APC: variants seen among roughly 807,000 people sequenced by gnomAD.
The protein encoded by APC is adenomatous polyposis coli protein.
Under a neutral mutation model 247.0 loss-of-function variants are expected in APC, and 72 were observed. The observed-to-expected ratio is 0.29, with a 90% CI of 0.24 to 0.35. APC has a LOEUF of 0.35. APC is among the 10% of genes least tolerant of loss of function. The pLI, the probability that APC is intolerant of heterozygous loss-of-function variation, is 1.00. For synonymous variants in APC, 1,254 were observed against 1,162.5 expected (o/e 1.08, Z -1.60); for missense variants, 3,400 against 3,360.7 (o/e 1.01, Z -0.29).
chr5:112,738,081 C>G (rs1752537799), intron 1 of APC, among the ~76,000 whole-genome samples, 156 bp downstream of exon 1: 1 of 152,132 alleles, frequency 6.6e-6, no homozygotes, highest in Non-Finnish European at 1.5e-5. Flanking sequence ...CCGCCCCCCA[C>G]TGCAGCACTG....
chr5:112,825,661 G>A (rs904605226), intron 11 of APC, among the ~76,000 whole-genome samples: 4 of 152,028 alleles, frequency 2.6e-5, no homozygotes, highest in Admixed American at 6.6e-5. Flanking sequence ...CAACCAGCTC[G>A]GGCAACATAG....
At chr5:112,783,630 C>CA (rs563801773) in intron 6 of APC, 1,849 of 80,580 alleles carry the variant, frequency 0.023, 23 homozygotes, top group East Asian at 0.12. Flanking sequence ...CTGCCTCTAC[C>CA]AAAAAAAAAA....
In APC at chr5:112,842,651, A is replaced by G. The variant is rs2149979100; in HGVS notation, c.7057A>G (p.Thr2353Ala). 6.2e-7 allele frequency: 1 copy of G among 1,613,838 alleles called. No homozygotes were observed. ...ACTTCCAAGGACATCATCCCCTAGT[A>G]CTGCTTCAACTAAGTCCTCAGGTTC... ...SQLPRTSSPS[T>A]ASTKSSGSGK... The change falls in exon 16 of 16, where the codon ACT becomes GCT. Residue 2353 changes from threonine (T) to alanine (A), a missense_variant. By Grantham distance (58) the Thr-to-Ala change is moderately conservative. Around this residue, in one of 9 missense-constraint regions of APC, gnomAD observed 1,788 missense variants for 1,649.5 expected, o/e 1.08. Transcript: ENST00000257430.
chr5:112,739,267 C>T (rs925771000), intron 1 of APC, among the ~76,000 whole-genome samples: 2 of 151,974 alleles, frequency 1.3e-5, no homozygotes, highest in African/African-American at 4.8e-5. Context: ...ATGTAAAAGC[C>T]TATCTTTATG....
At position 112,838,298 on chromosome 5, in the gene APC, G is replaced by A. The variant is rs1765248349; in HGVS notation, c.2704G>A (p.Glu902Lys). 1 of 1,614,198 alleles carries A rather than the reference G, an allele frequency of 6.2e-7. No homozygotes were observed. Among genetic ancestry groups the A allele is most frequent in the Non-Finnish European group, 8.5e-7 (1 of 1,180,030 alleles). The change falls in exon 16 of 16, where the codon GAA becomes AAA. Residue 902 changes from glutamate (E) to lysine (K), a missense_variant. By Grantham distance (56) the Glu-to-Lys change is moderately conservative. Around this residue, in one of 9 missense-constraint regions of APC, gnomAD observed 715 missense variants for 656.6 expected, o/e 1.09. Coordinates refer to ENST00000257430, the MANE Select transcript of APC (RefSeq NM_000038.6). ...AGTGTCAGCCATTCATACCTCTCAG[G>A]AAGACAGAAGTTCTGGGTCTACCAC... is the stretch of plus-strand genomic sequence containing the variant. ...EEVSAIHTSQ[E>K]DRSSGSTTEL...
In APC at chr5:112,707,587, G is replaced by A. The variant is rs572582235; in HGVS notation, c.-131G>A. 19 of 997,898 alleles carry A rather than the reference G, an allele frequency of 1.9e-5. No homozygotes were observed. Among genetic ancestry groups the A allele is most frequent in the Middle Eastern group, 5.1e-4 (2 of 3,892 alleles). 61.8% of individuals were successfully genotyped at this position (997,898 alleles called of 1,614,324 possible). A position where few individuals can be genotyped will look rare whatever the true frequency, so the allele number is the denominator to read the frequency against. ...CCGCCGGAAGCCTAGCCGCTGCTCG[G>A]GGGGGACCTGCGGGCTCAGGCCCGG... is the stretch of plus-strand genomic sequence containing the variant. On this transcript the variant is annotated 5_prime_UTR_variant, in exon 1 of 14. Transcript: ENST00000507379.
rs1413246437 is a variant in APC at position 112,841,332 on chromosome 5, T to C, written c.5738T>C (p.Ile1913Thr). Residue 1913 changes from isoleucine (I) to threonine (T), a missense_variant, in exon 16 of 16, where the codon ATT becomes ACT. By Grantham distance (89) the Ile-to-Thr change is moderately conservative. Around this residue, in one of 9 missense-constraint regions of APC, gnomAD observed 1,788 missense variants for 1,649.5 expected, o/e 1.08. Transcript: ENST00000257430. The surrounding 1 kb of genome is among the most constrained non-coding windows in gnomAD (Gnocchi z 4.6). ...NQQSANKTQA[I>T]AKQPINRGQP... is the part of the protein sequence containing the mutation. The stretch of plus-strand genomic sequence containing the variant: ...CAATCAGCTAATAAGACACAAGCTA[T>C]TGCAAAGCAGCCAATAAATCGAGGT... 1 of 1,614,010 alleles carries C rather than the reference T, an allele frequency of 6.2e-7. No homozygotes were observed. The highest frequency in any genetic ancestry group is 8.5e-7 in the Non-Finnish European group (1 of 1,179,944).
intron 6 of APC, among the ~76,000 whole-genome samples, chr5:112,784,952 C>T (rs1758782243): frequency 6.6e-6 from 1 of 151,998 alleles, no homozygotes. Context: ...TCCCAGCTGC[C>T]TTAAGGAATG....
chr5:112,794,590 T>C (rs1760000736), intron 7 of APC, among the ~76,000 whole-genome samples: 1 of 152,180 alleles, frequency 6.6e-6, no homozygotes, highest in East Asian at 1.9e-4. Flanking sequence ...CCAGGACTGC[T>C]GCCAAGCTGT....
chr5:112,821,506 T>G (rs1431925007), intron 10 of APC, among the ~76,000 whole-genome samples: 1 of 150,828 alleles, frequency 6.6e-6, no homozygotes, highest in Non-Finnish European at 1.5e-5. Context: ...CCTGTTTTGT[T>G]TTTTTTTTGT....
At chr5:112,801,529 C>A in intron 8 of APC, 146 bp downstream of exon 8, 1 of 584,874 alleles carries the variant, frequency 1.7e-6, no homozygotes, top group South Asian at 2.1e-5. Flanking sequence ...TACCAATGTG[C>A]TGTCATTTCT....
intron 1 of APC, among the ~76,000 whole-genome samples, chr5:112,732,197 G>A (rs1752135041): frequency 6.6e-6 from 1 of 152,226 alleles, no homozygotes. Flanking sequence ...TCCTGAGGCT[G>A]TATAACACTC....
At position 112,713,837 on chromosome 5, in the gene APC, T is replaced by C. The variant is rs146511998; in HGVS notation, c.165+5955T>C. On this transcript the variant is annotated intron_variant, in intron 1 of 13. Coordinates refer to the APC transcript ENST00000507379. ...CACACCCAGCTAATTTTTGTATTTT[T>C]AGTAGAGACAGGGTTTCGCAATGTT... 1.4e-3 allele frequency among the ~76,000 whole-genome samples: 211 copies of C among 152,244 alleles called. 4 individuals are homozygous for C. The East Asian group carries it at 0.038, about 27-fold the overall frequency.
At chr5:112,725,481 C>T (rs1290664907) in intron 1 of APC, among the ~76,000 whole-genome samples, 1 of 152,182 alleles carries the variant, frequency 6.6e-6, no homozygotes, top group South Asian at 2.1e-4. Context: ...GGGCCGGGCA[C>T]AGTGGCTCAC....
intron 1 of APC, among the ~76,000 whole-genome samples, chr5:112,747,976 C>T (rs2149712777): frequency 6.6e-6 from 1 of 152,264 alleles, no homozygotes; most frequent in Middle Eastern, 3.4e-3. Context: ...TGGGCATGCC[C>T]ATCTATTTAT....
intron 11 of APC, chr5:112,823,224 A>T (rs1763318589): frequency 6.6e-6 from 1 of 152,644 alleles, no homozygotes; most frequent in Non-Finnish European, 1.5e-5. Flanking sequence ...ATTCCAATGG[A>T]TTGTAGACTA....
chr5:112,745,833 C>T (rs974201614), intron 1 of APC, among the ~76,000 whole-genome samples: 11 of 152,046 alleles, frequency 7.2e-5, no homozygotes, highest in South Asian at 6.2e-4. Flanking sequence ...GGATTACACG[C>T]GTGAGCCACC....
At position 112,721,304 on chromosome 5, in the gene APC, C is replaced by T. The variant is rs149240268; in HGVS notation, c.165+13422C>T. ...TGGCGTGTGCCTGTAATCCCAGCTACTCGAGAGGCTGAGGCATGAGAATCA... is the reference window on the plus strand; with the variant it reads ...TGGCGTGTGCCTGTAATCCCAGCTATTCGAGAGGCTGAGGCATGAGAATCA... On this transcript the variant is annotated intron_variant, in intron 1 of 13. Transcript: ENST00000507379. Among the ~76,000 whole-genome samples the T allele has an allele frequency of 7.6e-3, 1,163 of 152,198 alleles. 5 individuals are homozygous for T. The highest frequency in any genetic ancestry group is 0.012 in the Non-Finnish European group (787 of 68,004).
intron 1 of APC, among the ~76,000 whole-genome samples, chr5:112,742,186 T>C (rs972058808): frequency 2.6e-5 from 4 of 152,212 alleles, no homozygotes; most frequent in Admixed American, 6.5e-5. Flanking sequence ...ATACTGTTTT[T>C]AAGATCTATC....
Sources: allele counts gnomAD v4.1 joint callset (sites outside exome capture counted in the v4.1 genomes callset), GRCh38; gene constraint gnomAD v4.1.1; regional missense constraint gnomAD v4.1.1; non-coding constraint Gnocchi (gnomAD v3.1); transcripts MANE v1.5; gene names NCBI Gene and HGNC (gene_info 2026-07-23, HGNC 2026-07-21).